SRCAP: variants seen among roughly 807,000 people sequenced by gnomAD.
SRCAP encodes Snf2 related CREBBP activator protein.
A neutral mutation model predicts 263.1 loss-of-function variants in SRCAP; 46 were observed. The observed-to-expected ratio is 0.17, with a 90% CI of 0.14 to 0.22. SRCAP has a LOEUF of 0.22. Among genes scored for constraint, SRCAP ranks in the 10% least tolerant of loss-of-function variants. The pLI, the probability that SRCAP is intolerant of heterozygous loss-of-function variation, is 1.00. For missense variants in SRCAP, 3,695 were observed against 4,181.9 expected (o/e 0.88, Z 3.21); for synonymous variants, 1,813 against 1,662.1 (o/e 1.09, Z -2.21).
intron 18 of SRCAP, among the ~76,000 whole-genome samples, chr16:30,719,459 C>T (rs1413160337): frequency 6.6e-6 from 1 of 151,926 alleles, no homozygotes; most frequent in Non-Finnish European, 1.5e-5. Flanking sequence ...TCGTGATCCA[C>T]CCGCCTCGGC....
Position 30,713,501 on chromosome 16 carries a change from C to A in SRCAP, c.2301-18C>A, listed in dbSNP as rs771756691. 3 of 1,613,626 alleles carry A rather than the reference C, an allele frequency of 1.9e-6. No individual in the cohort carries two copies. Among genetic ancestry groups the A allele is most frequent in the Admixed American group, 3.3e-5 (2 of 59,998 alleles). On this transcript the variant is annotated intron_variant, in intron 15 of 33. Coordinates refer to ENST00000262518, the MANE Select transcript of SRCAP (RefSeq NM_006662.3). Reference sequence around the variant, plus strand: ...CTTGCTGACCATACTCTCTCTGATTCTCTCTGTCTCTTTGCAGCCAGAGAC... The same window carrying A: ...CTTGCTGACCATACTCTCTCTGATTATCTCTGTCTCTTTGCAGCCAGAGAC...
intron 16 of SRCAP, among the ~76,000 whole-genome samples, chr16:30,714,668 T>C (rs532157129): frequency 6.6e-6 from 1 of 152,110 alleles, no homozygotes; most frequent in South Asian, 2.1e-4. Context: ...GCCTAGCTAA[T>C]GTTTGTTATT....
Position 30,741,033 on chromosome 16 carries a change from C to A in SRCAP, c.*1300C>A, listed in dbSNP as rs1044312538. On this transcript the variant is annotated 3_prime_UTR_variant, in exon 34 of 34. Coordinates refer to ENST00000262518, the MANE Select transcript of SRCAP (RefSeq NM_006662.3). ...GACAAGAAATGATTAAGTAGGGCAT[C>A]ATTTTGCAGGTTTCTGTGTGGTAAT... is the stretch of plus-strand genomic sequence containing the variant. 5 of 152,170 alleles carry A rather than the reference C, an allele frequency of 3.3e-5. No homozygotes were observed. The highest frequency in any genetic ancestry group is 1.2e-4 in the African/African-American group (5 of 41,406). 9.4% of individuals were successfully genotyped at this position (152,170 alleles called of 1,614,324 possible). A position where few individuals can be genotyped will look rare whatever the true frequency, so the allele number is the denominator to read the frequency against.
Position 30,707,177 on chromosome 16 carries a change from G to A in SRCAP, c.307-6G>A, listed in dbSNP as rs772371299. On this transcript the variant is annotated splice_region_variant and splice_polypyrimidine_tract_variant and intron_variant, in intron 4 of 33. Coordinates refer to ENST00000262518, the MANE Select transcript of SRCAP (RefSeq NM_006662.3). ...ACTGTTGATTGATCTGGCTCTCCCTGATTAGGAGGCCGAGATCGAGACTCG... is the reference window on the plus strand; with the variant it reads ...ACTGTTGATTGATCTGGCTCTCCCTAATTAGGAGGCCGAGATCGAGACTCG... The A allele has an allele frequency of 6.2e-7, 1 of 1,613,994 alleles. No homozygotes were observed. The highest frequency in any genetic ancestry group is 1.3e-5 in the African/African-American group (1 of 75,042).
At chr16:30,722,371 T>C (rs1460012076) in intron 22 of SRCAP, 85 bp downstream of exon 22, 1 of 1,554,698 alleles carries the variant, frequency 6.4e-7, no homozygotes, top group Admixed American at 1.9e-5. Context: ...TGTCAGCCTT[T>C]ATGTTTCTTA....
intron 16 of SRCAP, among the ~76,000 whole-genome samples, chr16:30,715,084 TCCA>T (rs1218222465): frequency 1.3e-5 from 2 of 152,356 alleles, no homozygotes; most frequent in African/African-American, 4.8e-5. Flanking sequence ...ATAAAGACTC[TCCA>T]GTCTGTACTA....
intron 16 of SRCAP, among the ~76,000 whole-genome samples, chr16:30,714,958 G>A (rs1457103339): frequency 1.3e-5 from 2 of 151,154 alleles, no homozygotes; most frequent in African/African-American, 2.4e-5. Context: ...TTCCTTTTTC[G>A]CCCAACTTTT....
At chr16:30,715,087 A>G (rs2052933747) in intron 16 of SRCAP, among the ~76,000 whole-genome samples, 1 of 152,200 alleles carries the variant, frequency 6.6e-6, no homozygotes, top group South Asian at 2.1e-4. Flanking sequence ...AAGACTCTCC[A>G]GTCTGTACTA....
In SRCAP at chr16:30,712,773, C is replaced by G. The variant is rs772791536; in HGVS notation, c.2088C>G (p.Leu696=). The change falls in exon 14 of 34, where the codon CTC becomes CTG. Residue 696 remains leucine (L), a synonymous_variant. Coordinates refer to ENST00000262518, the MANE Select transcript of SRCAP (RefSeq NM_006662.3). ...LKRWCPSFKI[L]TYYGAQKERK... is the part of the protein sequence containing the mutation. ...GGTGGTGCCCCAGCTTTAAAATCCT[C>G]ACTTACTATGGAGCCCAGAAAGAGA... The G allele has an allele frequency of 4.3e-6, 7 of 1,614,008 alleles. No individual in the cohort carries two copies. The Admixed American group carries it at 1.2e-4, about 27-fold the overall frequency.
In SRCAP at chr16:30,710,796, C is replaced by T; in HGVS notation, c.1177C>T (p.Pro393Ser). 1 of 1,614,222 alleles carries T rather than the reference C, an allele frequency of 6.2e-7. No homozygotes were observed. The highest frequency in any genetic ancestry group is 8.5e-7 in the Non-Finnish European group (1 of 1,180,048). ...PSAVTQRNKQ[P>S]WHPDEDDEEF... is the part of the protein sequence containing the mutation. ...TGCTGTCACACAGCGCAACAAACAGCCTTGGCATCCAGATGAAGATGATGA... is the reference window on the plus strand; with the variant it reads ...TGCTGTCACACAGCGCAACAAACAGTCTTGGCATCCAGATGAAGATGATGA... The change falls in exon 9 of 34, where the codon CCT (proline) becomes TCT (serine). Residue 393 changes from proline to serine, a missense_variant. Pro to Ser is a moderately conservative substitution (Grantham distance 74). Coordinates refer to ENST00000262518, the MANE Select transcript of SRCAP (RefSeq NM_006662.3).
At chr16:30,729,700 GT>G in intron 27 of SRCAP, 128 bp downstream of exon 27, 2 of 1,118,600 alleles carry the variant, frequency 1.8e-6, no homozygotes, top group Non-Finnish European at 2.6e-6. Context: ...GGTTTTTTAG[GT>G]TATGCTTATG....
intron 4 of SRCAP, 86 bp from the exon 5 acceptor site, chr16:30,707,097 C>A: frequency 7.2e-7 from 1 of 1,382,102 alleles, no homozygotes; most frequent in Non-Finnish European, 1.0e-6. Context: ...ACACACTCAG[C>A]CCACTTAGTG....
In SRCAP at chr16:30,724,185, G is replaced by A; in HGVS notation, c.4761G>A (p.Leu1587=). 2 of 1,614,042 alleles carry A rather than the reference G, an allele frequency of 1.2e-6. No individual in the cohort carries two copies. Among genetic ancestry groups the A allele is most frequent in the Non-Finnish European group, 1.7e-6 (2 of 1,180,016 alleles). ...CATCTCAGGCTCTAGCCACCCCTCT[G>A]GCTCCTATGGCGGCTCCACAGACAG... ...SSASQALATP[L]APMAAPQTAI... Residue 1587 remains leucine, a synonymous_variant, in exon 25 of 34, where the codon CTG becomes CTA. Transcript: ENST00000262518.
chr16:30,737,722 C>T lies in SRCAP; in HGVS notation c.7682C>T (p.Pro2561Leu), dbSNP rs769315792. ...AELCAQALAS[P>L]ESLELASVAS... ...CTGTGTGCCCAGGCATTGGCATCTC[C>T]AGAGTCCCTGGAGCTGGCTTCTGTG... The change falls in exon 34 of 34, where the codon CCA becomes CTA. Residue 2561 changes from proline (P) to leucine (L), a missense_variant. By Grantham distance (98) the Pro-to-Leu change is moderately conservative (BLOSUM62 -3). Transcript: ENST00000262518. 6.2e-7 allele frequency: 1 copy of T among 1,614,232 alleles called. No homozygotes were observed. The highest frequency in any genetic ancestry group is 1.3e-5 in the African/African-American group (1 of 75,062).
intron 15 of SRCAP, 44 bp downstream of exon 15, chr16:30,713,421 G>A (rs1190441892): frequency 6.2e-7 from 1 of 1,612,802 alleles, no homozygotes; most frequent in Non-Finnish European, 8.5e-7. Flanking sequence ...GACTTGGCTA[G>A]AAGGGAGGGC....
intron 16 of SRCAP, among the ~76,000 whole-genome samples, chr16:30,714,726 C>T (rs1447801660): frequency 6.6e-6 from 1 of 152,026 alleles, no homozygotes; most frequent in Non-Finnish European, 1.5e-5. Flanking sequence ...GTCTCGAACT[C>T]CTGACCTTAA....
chr16:30,738,443 C>G lies in SRCAP; in HGVS notation c.8403C>G (p.Ser2801=). The change falls in exon 34 of 34, where the codon TCC becomes TCG. Residue 2801 remains serine (S), a synonymous_variant. Coordinates refer to ENST00000262518, the MANE Select transcript of SRCAP (RefSeq NM_006662.3). ...PSVRSMSGPE[S]SPPIGGPCEA... ...TCCGCAGCATGTCAGGGCCAGAATCCTCCCCTCCCATTGGTGGGCCCTGTG... is the reference window on the plus strand; with the variant it reads ...TCCGCAGCATGTCAGGGCCAGAATCGTCCCCTCCCATTGGTGGGCCCTGTG... 6.4e-7 allele frequency: 1 copy of G among 1,557,104 alleles called. No homozygotes were observed. The highest frequency in any genetic ancestry group is 1.2e-5 in the South Asian group (1 of 81,948).
chr16:30,739,760 C>G lies in SRCAP; in HGVS notation c.*27C>G. 2.1e-6 allele frequency: 3 copies of G among 1,452,538 alleles called. No individual in the cohort carries two copies. Among genetic ancestry groups the G allele is most frequent in the Non-Finnish European group, 1.8e-6 (2 of 1,100,804 alleles). 90.0% of individuals were successfully genotyped at this position (1,452,538 alleles called of 1,614,324 possible). A position where few individuals can be genotyped will look rare whatever the true frequency, so the allele number is the denominator to read the frequency against. On this transcript the variant is annotated 3_prime_UTR_variant, in exon 34 of 34. Coordinates refer to ENST00000262518, the MANE Select transcript of SRCAP (RefSeq NM_006662.3). ...TGGGCTGCCCCTCCACCTAGGCTTT[C>G]CACCGTGGCCACTCCCTCCATGACC...
rs1472977441 is a variant in SRCAP, at chr16:30,707,377, T to TC, written c.492+11dup. On this transcript the variant is annotated intron_variant, in intron 5 of 33. Coordinates refer to ENST00000262518, the MANE Select transcript of SRCAP (RefSeq NM_006662.3). ...GGGGTGTGGCCCGGAAGGTAGGTCTTCCGCTGGGACTTCCTTCCTTTTCCT... is the reference window on the plus strand; with the variant it reads ...GGGGTGTGGCCCGGAAGGTAGGTCTTCCCGCTGGGACTTCCTTCCTTTTCCT... 1.2e-6 allele frequency: 2 copies of TC among 1,612,766 alleles called. No homozygotes were observed. The highest frequency in any genetic ancestry group is 1.7e-6 in the Non-Finnish European group (2 of 1,179,196).
Sources: gnomAD v4.1 joint callset for allele counts (sites outside exome capture counted in the v4.1 genomes callset) on GRCh38, gnomAD v4.1.1 for gene constraint, MANE v1.5 for transcripts, NCBI Gene and HGNC (gene_info 2026-07-23, HGNC 2026-07-21) for gene names.